Variants in WDR93 observed in about 807,000 individuals in gnomAD.
WDR93 encodes the protein WD repeat domain 93, also known as WD repeat-containing protein 93.
In WDR93, 73 loss-of-function variants were observed where a neutral mutation model predicts 82.9. That is an observed-to-expected ratio of 0.88 (90% CI 0.73 to 1.07). The LOEUF (loss-of-function observed/expected upper bound fraction) is 1.07. WDR93 is among the 50% of genes least tolerant of loss of function. The pLI is 0.00. For missense variants in WDR93, 738 were observed against 826.0 expected (o/e 0.89, Z 1.31); for synonymous variants, 283 against 300.1 (o/e 0.94, Z 0.59).
rs1409727160 is a variant in WDR93 at position 89,712,085 on chromosome 15, T to C, written c.621T>C (p.Phe207=). Residue 207 remains phenylalanine (F), a synonymous_variant, in exon 5 of 17, where the codon TTT becomes TTC. Transcript: ENST00000268130. ...IKMEISQGGD[F]AAFLLQGAGD... ...TGGAGATCTCTCAAGGAGGGGACTTTGCAGCCTTCCTCCTACAAGGCAAGA... is the reference window on the plus strand; with the variant it reads ...TGGAGATCTCTCAAGGAGGGGACTTCGCAGCCTTCCTCCTACAAGGCAAGA... 1 of 1,613,082 alleles carries C rather than the reference T, an allele frequency of 6.2e-7. No individual in the cohort carries two copies. Among genetic ancestry groups the C allele is most frequent in the Admixed American group, 1.7e-5 (1 of 59,914 alleles).
chr15:89,715,010 A>G lies in WDR93; in HGVS notation c.671A>G (p.Lys224Arg). Reference protein sequence around the residue: ...GAGDIWLDVYKLPKETWLKKL... With the variant: ...GAGDIWLDVYRLPKETWLKKL... ...GGAGATATTTGGCTGGATGTGTATA[A>G]ATTGCCCAAGGAGACTTGGCTCAAG... is the stretch of plus-strand genomic sequence containing the variant. The change falls in exon 6 of 17, where the codon AAA (lysine) becomes AGA (arginine). Residue 224 changes from lysine to arginine, a missense_variant. By Grantham distance (26) the Lys-to-Arg change is conservative. Coordinates refer to ENST00000268130, the MANE Select transcript of WDR93 (RefSeq NM_020212.2). 1 of 1,614,022 alleles carries G rather than the reference A, an allele frequency of 6.2e-7. No homozygotes were observed. The highest frequency in any genetic ancestry group is 1.1e-5 in the South Asian group (1 of 91,050).
chr15:89,739,376 AACCCATGATCTAAG>A (rs372039135), intron 16 of WDR93, among the ~76,000 whole-genome samples: 10 of 152,344 alleles, frequency 6.6e-5, no homozygotes, highest in African/African-American at 2.4e-4. Context: ...AATGTTTGCC[AACCCATGATCTAAG>A]ACCCCTTTCT....
chr15:89,692,573 C>T (rs1253128324), intron 1 of WDR93, among the ~76,000 whole-genome samples: 2 of 152,142 alleles, frequency 1.3e-5, no homozygotes, highest in Admixed American at 1.3e-4. Context: ...TAGAGGTGAG[C>T]ACAGGGTGCT....
chr15:89,711,525 C>CAAAA (rs541710221), intron 4 of WDR93, among the ~76,000 whole-genome samples: 11 of 132,204 alleles, frequency 8.3e-5, no homozygotes, highest in African/African-American at 2.2e-4. Flanking sequence ...TAGCGAGTCT[C>CAAAA]AAAAAAAAAA....
At position 89,729,713 on chromosome 15, in the gene WDR93, C is replaced by T; in HGVS notation, c.1154C>T (p.Thr385Ile). The T allele has an allele frequency of 6.2e-7, 1 of 1,613,136 alleles. No homozygotes were observed. The highest frequency in any genetic ancestry group is 8.5e-7 in the Non-Finnish European group (1 of 1,179,878). ...GMACVLGIHW[T>I]RSHNFFLYSL... ...GCCTGTGTCCTTGGTATACACTGGACCAGAAGTCACAATTTCTTCCTGTAT... is the reference window on the plus strand; with the variant it reads ...GCCTGTGTCCTTGGTATACACTGGATCAGAAGTCACAATTTCTTCCTGTAT... Residue 385 changes from threonine to isoleucine, a missense_variant, in exon 11 of 17, where the codon ACC becomes ATC. Thr to Ile is a moderately conservative substitution (Grantham distance 89, BLOSUM62 -1). Coordinates refer to ENST00000268130, the MANE Select transcript of WDR93 (RefSeq NM_020212.2).
At chr15:89,692,601 A>G (rs1964952186) in intron 1 of WDR93, among the ~76,000 whole-genome samples, 1 of 152,116 alleles carries the variant, frequency 6.6e-6, no homozygotes, top group African/African-American at 2.4e-5. Context: ...ACAGATGTGT[A>G]TCATCTGTTT....
chr15:89,714,859 G>T, intron 5 of WDR93, 121 bp from the exon 6 acceptor site: 1 of 711,232 alleles, frequency 1.4e-6, no homozygotes. Flanking sequence ...TGTCAAAGTT[G>T]CCTGGTATGG....
chr15:89,706,436 G>T (rs556223175), intron 4 of WDR93, among the ~76,000 whole-genome samples: 7 of 152,090 alleles, frequency 4.6e-5, no homozygotes, highest in Non-Finnish European at 8.8e-5. Context: ...GGGATTACAG[G>T]TGTGAGTCAT....
At chr15:89,716,022 A>G (rs1966235178) in intron 6 of WDR93, among the ~76,000 whole-genome samples, 3 of 152,242 alleles carry the variant, frequency 2.0e-5, no homozygotes, top group Admixed American at 6.5e-5. Context: ...CCTTTAAAAT[A>G]CATTGTATTA....
intron 8 of WDR93, among the ~76,000 whole-genome samples, chr15:89,724,829 T>C (rs1448465238): frequency 1.3e-5 from 2 of 152,166 alleles, no homozygotes; most frequent in Non-Finnish European, 2.9e-5. Flanking sequence ...GGTGAAGATG[T>C]GGAACAATCA....
At position 89,716,219 on chromosome 15, in the gene WDR93, A is replaced by C. The variant is rs968915205; in HGVS notation, c.757-692A>C. ...ATATTCCTCCTCTAAGCTATTACAGAATGTTATTATTTGTATGTATTTTTT... is the reference window on the plus strand; with the variant it reads ...ATATTCCTCCTCTAAGCTATTACAGCATGTTATTATTTGTATGTATTTTTT... On this transcript the variant is annotated intron_variant, in intron 6 of 16. Coordinates refer to ENST00000268130, the MANE Select transcript of WDR93 (RefSeq NM_020212.2). 2.0e-5 allele frequency among the ~76,000 whole-genome samples: 3 copies of C among 152,270 alleles called. No homozygotes were observed. In the East Asian group the frequency reaches 5.8e-4, roughly 29 times the overall value.
At chr15:89,726,346 C>G (rs1309800244) in intron 8 of WDR93, among the ~76,000 whole-genome samples, 4 of 152,232 alleles carry the variant, frequency 2.6e-5, no homozygotes, top group Non-Finnish European at 4.4e-5. Flanking sequence ...GTATTTTTAA[C>G]AAGTTCCCAG....
At chr15:89,736,756 G>A (rs1237707366) in intron 14 of WDR93, among the ~76,000 whole-genome samples, 1 of 151,750 alleles carries the variant, frequency 6.6e-6, no homozygotes, top group African/African-American at 2.4e-5. Context: ...GGGGAAAGTG[G>A]TGTGGCAGCT....
intron 10 of WDR93, 21 bp from the exon 11 acceptor site, chr15:89,729,662 T>C: frequency 6.2e-7 from 1 of 1,606,514 alleles, no homozygotes; most frequent in Non-Finnish European, 8.5e-7. Context: ...ATTTTCTGTC[T>C]TTCCCCCGCC....
In WDR93 at chr15:89,721,943, T is replaced by G. The variant is rs1966545105; in HGVS notation, c.796-112T>G. On this transcript the variant is annotated intron_variant, in intron 7 of 16. Coordinates refer to ENST00000268130, the MANE Select transcript of WDR93 (RefSeq NM_020212.2). ...CTTGCTATTTACTTTCTATTTGTCC[T>G]CTTATTTTTCTTTTTCCCCTTCTTT... 30 of 716,352 alleles carry G rather than the reference T, an allele frequency of 4.2e-5. No individual in the cohort carries two copies. The South Asian group carries it at 5.0e-4, about 12-fold the overall frequency. The allele number at this position is 716,352 out of a possible 1,614,324, so 44.4% of individuals were successfully genotyped here. A position where few individuals can be genotyped will look rare whatever the true frequency, so the allele number is the denominator to read the frequency against.
intron 12 of WDR93, among the ~76,000 whole-genome samples, chr15:89,732,156 C>T (rs1196784889): frequency 2.0e-5 from 3 of 152,186 alleles, no homozygotes; most frequent in African/African-American, 7.2e-5. Context: ...TCCCTCTAAC[C>T]GGACTTTGTT....
At chr15:89,706,976 G>T (rs1475558717) in intron 4 of WDR93, among the ~76,000 whole-genome samples, 3 of 152,090 alleles carry the variant, frequency 2.0e-5, no homozygotes, top group African/African-American at 7.2e-5. Context: ...TTCTGTAAAA[G>T]ATATTGTTAA....
At chr15:89,731,613 T>C (rs774030526) in intron 12 of WDR93, 51 bp downstream of exon 12, 2 of 1,610,700 alleles carry the variant, frequency 1.2e-6, no homozygotes, top group Non-Finnish European at 1.7e-6. Context: ...CTCTGGGCAA[T>C]GAGTCTGGGA....
chr15:89,732,943 CT>C, intron 12 of WDR93, 62 bp from the exon 13 acceptor site: 1 of 1,494,802 alleles, frequency 6.7e-7, no homozygotes, highest in Non-Finnish European at 9.3e-7. Context: ...GTCACAGCCC[CT>C]GTGCCCATGG....
Sources: gnomAD v4.1 joint callset for allele counts (sites outside exome capture counted in the v4.1 genomes callset) on GRCh38, gnomAD v4.1.1 for gene constraint, MANE v1.5 for transcripts, NCBI Gene and HGNC (gene_info 2026-07-23, HGNC 2026-07-21) for gene names.